Variants in SDK2 observed in about 807,000 individuals in gnomAD.
SDK2 encodes the protein sidekick cell adhesion molecule 2, also known as protein sidekick-2.
Under a neutral mutation model 253.9 loss-of-function variants are expected in SDK2, and 105 were observed. The ratio of observed to expected loss-of-function variants is 0.41; its 90% CI spans 0.35 to 0.49. SDK2 has a LOEUF of 0.49. SDK2 is among the 20% of genes least tolerant of loss of function. The pLI is 0.06. For synonymous variants in SDK2, 1,249 were observed against 1,234.9 expected, an observed-to-expected ratio of 1.01 and a Z score of -0.24; for missense variants, 2,608 against 3,003.0, an observed-to-expected ratio of 0.87 and a Z score of 3.07.
intron 1 of SDK2, among the ~76,000 whole-genome samples, chr17:73,601,257 T>C (rs1348074574): frequency 6.6e-6 from 1 of 152,004 alleles, no homozygotes; most frequent in East Asian, 1.9e-4. Context: ...TGACCTCAGG[T>C]GATCCACCCG....
At chr17:73,538,248 G>C (rs1240767955) in intron 1 of SDK2, among the ~76,000 whole-genome samples, 1 of 152,198 alleles carries the variant, frequency 6.6e-6, no homozygotes. Flanking sequence ...GATAGGTCAA[G>C]CAGCTTTCCA....
intron 3 of SDK2, among the ~76,000 whole-genome samples, chr17:73,458,224 G>C (rs980885549): frequency 1.1e-4 from 16 of 152,164 alleles, no homozygotes; most frequent in African/African-American, 3.9e-4. Context: ...GATTATAGGC[G>C]TGAGCCACTG....
chr17:73,619,574 T>C lies in SDK2; in HGVS notation c.64+24451A>G, dbSNP rs115720104. Among the ~76,000 whole-genome samples, 918 of 152,168 alleles carry C rather than the reference T, an allele frequency of 6.0e-3. 14 individuals carry two copies. Among genetic ancestry groups the C allele is most frequent in the African/African-American group, 0.021 (873 of 41,516 alleles). On this transcript the variant is annotated intron_variant, in intron 1 of 44. Coordinates refer to ENST00000392650, the MANE Select transcript of SDK2 (RefSeq NM_001144952.2). ...GAACCTGAACCCCTACCTCACATCA[T>C]ATACAAAAAGGAACTCAAAATGGAT... is the stretch of plus-strand genomic sequence containing the variant.
At chr17:73,346,938 T>C (rs979494627) in intron 44 of SDK2, among the ~76,000 whole-genome samples, 2 of 152,188 alleles carry the variant, frequency 1.3e-5, no homozygotes, top group African/African-American at 2.4e-5. Flanking sequence ...GAACTACCAG[T>C]GGCATCCCCA....
rs1185297085 is a variant in SDK2 at position 73,643,386 on chromosome 17, G to A, written c.64+639C>T. On this transcript the variant is annotated intron_variant, in intron 1 of 44. Coordinates refer to ENST00000392650, the MANE Select transcript of SDK2 (RefSeq NM_001144952.2). The surrounding 1 kb of genome is among the most constrained non-coding windows in gnomAD (Gnocchi z 6.9). ...GGAGGGGAGGCCTCAGACCCTCCCT[G>A]TGCACCACCCCCCGGTGGGTCCGCG... Among the ~76,000 whole-genome samples the A allele has an allele frequency of 2.6e-5, 4 of 152,258 alleles. No individual in the cohort carries two copies. The East Asian group carries it at 7.8e-4, about 30-fold the overall frequency.
rs1275662571 is a variant in SDK2 at position 73,431,977 on chromosome 17, G to A, written c.1313-308C>T. ...GAAGGGGGCGCAGTTTCCTGATGACGGTGAGCAGTAGCCCGGCACAGCCCT... is the reference window on the plus strand; with the variant it reads ...GAAGGGGGCGCAGTTTCCTGATGACAGTGAGCAGTAGCCCGGCACAGCCCT... On this transcript the variant is annotated intron_variant, in intron 10 of 44. Coordinates refer to ENST00000392650, the MANE Select transcript of SDK2 (RefSeq NM_001144952.2). The surrounding 1 kb of genome is among the most constrained non-coding windows in gnomAD (Gnocchi z 5.6). Among the ~76,000 whole-genome samples the A allele has an allele frequency of 2.6e-5, 4 of 152,168 alleles. No individual in the cohort carries two copies. The highest frequency in any genetic ancestry group is 2.1e-4 in the South Asian group (1 of 4,832).
chr17:73,474,454 T>A (rs192596373), intron 2 of SDK2, among the ~76,000 whole-genome samples: 4 of 152,322 alleles, frequency 2.6e-5, no homozygotes, highest in Admixed American at 6.5e-5. Context: ...CCACCCTCCA[T>A]CCTGGGTCTG....
chr17:73,612,185 A>C lies in SDK2; in HGVS notation c.64+31840T>G. Among the ~76,000 whole-genome samples the C allele has an allele frequency of 6.6e-6, 1 of 152,208 alleles. No individual in the cohort carries two copies. The highest frequency in any genetic ancestry group is 1.5e-5 in the Non-Finnish European group (1 of 68,028). On this transcript the variant is annotated intron_variant, in intron 1 of 44. Coordinates refer to ENST00000392650, the MANE Select transcript of SDK2 (RefSeq NM_001144952.2). The surrounding 1 kb of genome is among the most constrained non-coding windows in gnomAD (Gnocchi z 4.4). ...AGCCTCTTCAAGCGAGGAAAGATAA[A>C]TGCAAGTACACCACAGTGGTGGCCC... is the stretch of plus-strand genomic sequence containing the variant.
intron 42 of SDK2, 90 bp downstream of exon 42, chr17:73,350,560 A>C (rs1599472750): frequency 6.8e-7 from 1 of 1,460,010 alleles, no homozygotes; most frequent in Non-Finnish European, 9.2e-7. Flanking sequence ...GCCAGGAGCC[A>C]GGAGAGGGAC....
intron 3 of SDK2, among the ~76,000 whole-genome samples, chr17:73,457,980 T>A (rs2063539716): frequency 1.3e-5 from 2 of 152,060 alleles, no homozygotes; most frequent in South Asian, 4.1e-4. Flanking sequence ...CAGTATTTGT[T>A]TATTATTATT....
chr17:73,403,572 C>A (rs2063046880), intron 18 of SDK2, among the ~76,000 whole-genome samples: 2 of 152,154 alleles, frequency 1.3e-5, no homozygotes, highest in African/African-American at 2.4e-5. Context: ...AAAAGCAACA[C>A]TTGATGAGTT....
intron 1 of SDK2, among the ~76,000 whole-genome samples, chr17:73,628,551 C>T (rs1000908413): frequency 6.6e-6 from 1 of 152,194 alleles, no homozygotes; most frequent in African/African-American, 2.4e-5. Context: ...TGCAGGTTCC[C>T]CTAACCCCAC....
chr17:73,402,890 C>G (rs35027957), intron 18 of SDK2, among the ~76,000 whole-genome samples: 1 of 152,050 alleles, frequency 6.6e-6, no homozygotes, highest in Admixed American at 6.5e-5. Context: ...CTCTGCCTCC[C>G]GGGTTCAAGT....
At chr17:73,348,497 GC>G in intron 44 of SDK2, 101 bp downstream of exon 44, 1 of 1,369,502 alleles carries the variant, frequency 7.3e-7, no homozygotes, top group Non-Finnish European at 9.8e-7. Context: ...AATATTTGCT[GC>G]CCCTTGAAGG....
At chr17:73,442,248 T>C (rs1205349348) in intron 5 of SDK2, among the ~76,000 whole-genome samples, 4 of 152,152 alleles carry the variant, frequency 2.6e-5, no homozygotes, top group Non-Finnish European at 5.9e-5. Context: ...CTTCCCAATC[T>C]GGGACTTCCA....
Position 73,352,526 on chromosome 17 carries a change from G to A in SDK2, c.5705C>T (p.Ala1902Val), listed in dbSNP as rs375433539. Residue 1902 changes from alanine (A) to valine (V), a missense_variant, in exon 41 of 45, where the codon GCG becomes GTG. By Grantham distance (64) the Ala-to-Val change is moderately conservative. Transcript: ENST00000392650. The surrounding 1 kb of genome is among the most constrained non-coding windows in gnomAD (Gnocchi z 4.1). ...GGTGCCGAAACCATAGTCGTTGACC[G>A]CGATGACCCGGAAGTCATAGCTCAC... The part of the protein sequence containing the change: ...PGVSYDFRVI[A>V]VNDYGFGTPS... 3 of 1,613,966 alleles carry A rather than the reference G, an allele frequency of 1.9e-6. No individual in the cohort carries two copies. The highest frequency in any genetic ancestry group is 2.5e-6 in the Non-Finnish European group (3 of 1,179,866).
At chr17:73,593,904 C>G (rs1384187531) in intron 1 of SDK2, among the ~76,000 whole-genome samples, 1 of 152,202 alleles carries the variant, frequency 6.6e-6, no homozygotes. Context: ...GTGGCCGAGT[C>G]TGTGTTGGAC....
chr17:73,575,143 T>C (rs1490078003), intron 1 of SDK2, among the ~76,000 whole-genome samples: 1 of 152,164 alleles, frequency 6.6e-6, no homozygotes, highest in Non-Finnish European at 1.5e-5. Context: ...CTCTGCTGCT[T>C]CCCCTTGGGG....
Position 73,529,562 on chromosome 17 carries a change from G to A in SDK2, c.65-21965C>T, listed in dbSNP as rs1327685382. ...ATTTGGAAATAGAGACCTTGCAGGT[G>A]TAATTCTTCCTGTTAAGATGAGGCC... On this transcript the variant is annotated intron_variant, in intron 1 of 44. Coordinates refer to ENST00000392650, the MANE Select transcript of SDK2 (RefSeq NM_001144952.2). Among the ~76,000 whole-genome samples, 8 of 152,158 alleles carry A rather than the reference G, an allele frequency of 5.3e-5. No homozygotes were observed. The South Asian group carries it at 1.5e-3, about 28-fold the overall frequency.
Sources: gnomAD v4.1 joint callset for allele counts (sites outside exome capture counted in the v4.1 genomes callset) on GRCh38, gnomAD v4.1.1 for gene constraint, Gnocchi (gnomAD v3.1) non-coding constraint, MANE v1.5 for transcripts, NCBI Gene and HGNC (gene_info 2026-07-23, HGNC 2026-07-21) for gene names.